The following SUPT20H variants were observed in gnomAD, a reference collection of about 807,000 sequenced individuals.
The protein encoded by SUPT20H is SPT20 homolog, SAGA complex component.
A neutral mutation model predicts 122.8 loss-of-function variants in SUPT20H; 82 were observed. That is an observed-to-expected ratio of 0.67 (90% CI 0.56 to 0.80). SUPT20H has a LOEUF of 0.80. Ranked by LOEUF, SUPT20H falls within the 30% of genes least tolerant of loss-of-function variation. The probability of loss-of-function intolerance (pLI) is 0.00; values close to 1 mark genes in which losing one functional copy is unlikely to be tolerated. For missense variants in SUPT20H, 831 were observed against 921.6 expected (o/e 0.90, Z 1.27); for synonymous variants, 291 against 313.0 (o/e 0.93, Z 0.74).
intron 1 of SUPT20H, among the ~76,000 whole-genome samples, chr13:37,054,971 T>G (rs1355530535): frequency 1.3e-5 from 2 of 152,114 alleles, no homozygotes; most frequent in Non-Finnish European, 2.9e-5. Context: ...TATACACCAA[T>G]AACAGACAAA....
At chr13:37,037,342 A>G (rs1003544016) in intron 9 of SUPT20H, among the ~76,000 whole-genome samples, 1 of 152,202 alleles carries the variant, frequency 6.6e-6, no homozygotes, top group Admixed American at 6.5e-5. Flanking sequence ...GGTCAACTAT[A>G]TAGTGTAAAT....
chr13:37,050,659 T>A (rs1045572910), intron 2 of SUPT20H, among the ~76,000 whole-genome samples: 1 of 152,326 alleles, frequency 6.6e-6, no homozygotes, highest in East Asian at 1.9e-4. Context: ...TAGTGAGACA[T>A]GCATACATAC....
intron 2 of SUPT20H, among the ~76,000 whole-genome samples, chr13:37,049,511 G>A (rs113323017): frequency 0.048 from 7,242 of 152,146 alleles, 267 homozygotes; most frequent in African/African-American, 0.11. Flanking sequence ...AGGCTGAGGC[G>A]GGAGGATCAC....
At chr13:37,047,767 C>A in intron 4 of SUPT20H, 111 bp downstream of exon 4, 1 of 1,252,134 alleles carries the variant, frequency 8.0e-7, no homozygotes, top group Non-Finnish European at 1.1e-6. Context: ...ATTCCTAATA[C>A]ATGCAAAGAA....
At position 37,028,369 on chromosome 13, in the gene SUPT20H, A is replaced by G. The variant is rs1049626564; in HGVS notation, c.994-64T>C. The G allele has an allele frequency of 2.1e-6, 3 of 1,442,102 alleles. No individual in the cohort carries two copies. The Admixed American group carries it at 6.2e-5, about 30-fold the overall frequency. The allele number at this position is 1,442,102 out of a possible 1,614,324, so 89.3% of individuals were successfully genotyped here. Reference sequence around the variant, plus strand: ...AGTAGGCAGGCAATAAGAATTAGTAAAAATCAGGAATAAATGATACAGTAA... The same window carrying G: ...AGTAGGCAGGCAATAAGAATTAGTAGAAATCAGGAATAAATGATACAGTAA... On this transcript the variant is annotated intron_variant, in intron 13 of 25. Coordinates refer to ENST00000350612, the MANE Select transcript of SUPT20H (RefSeq NM_001014286.3).
At position 37,022,204 on chromosome 13, in the gene SUPT20H, C is replaced by A; in HGVS notation, c.1592-124G>T. ...GTGGGCTGAGGGGTGAAGCCTGAAT[C>A]TTGGGGAGTAGGGGTGGCTGAAGGG... On this transcript the variant is annotated intron_variant, in intron 19 of 25. Coordinates refer to ENST00000350612, the MANE Select transcript of SUPT20H (RefSeq NM_001014286.3). This position sits in a 1 kb window ranked among gnomAD's most constrained non-coding sequence, Gnocchi z 4.5. The A allele has an allele frequency of 6.3e-7, 1 of 1,599,198 alleles. No homozygotes were observed. The highest frequency in any genetic ancestry group is 8.5e-7 in the Non-Finnish European group (1 of 1,172,092).
intron 9 of SUPT20H, among the ~76,000 whole-genome samples, chr13:37,034,074 C>A (rs1381365976): frequency 2.0e-5 from 3 of 152,150 alleles, no homozygotes; most frequent in Admixed American, 1.3e-4. Flanking sequence ...TGGGATCTCC[C>A]CTATCTTTCT....
rs149769303 is a variant in SUPT20H, at chr13:37,015,186, C to T, written c.1992+2059G>A. On this transcript the variant is annotated intron_variant, in intron 23 of 25. Coordinates refer to ENST00000350612, the MANE Select transcript of SUPT20H (RefSeq NM_001014286.3). Reference sequence around the variant, plus strand: ...TACATTAAAATAAAAAAAAAAAAAACTTCTGTGCAATGGATGCAATCAAGA... The same window carrying T: ...TACATTAAAATAAAAAAAAAAAAAATTTCTGTGCAATGGATGCAATCAAGA... Among the ~76,000 whole-genome samples, 48 of 147,906 alleles carry T rather than the reference C, an allele frequency of 3.2e-4. No individual in the cohort carries two copies. The East Asian group carries it at 9.5e-3, about 29-fold the overall frequency.
chr13:37,012,840 T>C (rs548090537), intron 23 of SUPT20H: 1 of 151,674 alleles, frequency 6.6e-6, no homozygotes, highest in South Asian at 2.1e-4. Context: ...GTAATGAACA[T>C]GTGAAAACTG....
At chr13:37,039,357 T>G (rs2065057706) in intron 9 of SUPT20H, 1 of 152,122 alleles carries the variant, frequency 6.6e-6, no homozygotes, top group Non-Finnish European at 1.5e-5. Context: ...AAAGCACAAT[T>G]AAGGCAATGG....
chr13:37,042,777 T>G (rs1194218142), intron 7 of SUPT20H, among the ~76,000 whole-genome samples: 1 of 152,128 alleles, frequency 6.6e-6, no homozygotes, highest in Admixed American at 6.5e-5. Flanking sequence ...TATAAATTCT[T>G]TGAGTAGCGT....
intron 3 of SUPT20H, among the ~76,000 whole-genome samples, chr13:37,048,326 A>G (rs979569740): frequency 4.6e-5 from 7 of 152,182 alleles, no homozygotes; most frequent in African/African-American, 1.7e-4. Flanking sequence ...AATTTTAGAA[A>G]TTCTATATCC....
At position 37,042,906 on chromosome 13, in the gene SUPT20H, G is replaced by A. The variant is rs540164985; in HGVS notation, c.396+1172C>T. 2.6e-5 allele frequency among the ~76,000 whole-genome samples: 4 copies of A among 152,278 alleles called. No individual in the cohort carries two copies. The South Asian group carries it at 8.3e-4, about 32-fold the overall frequency. On this transcript the variant is annotated intron_variant, in intron 7 of 25. Coordinates refer to ENST00000350612, the MANE Select transcript of SUPT20H (RefSeq NM_001014286.3). ...TTATCTGAAGTGCTTCAGACCAGAA[G>A]CATTTCAGAGTTGGAAATATTTGCA...
chr13:37,012,085 G>T, intron 24 of SUPT20H, 107 bp downstream of exon 24: 1 of 837,490 alleles, frequency 1.2e-6, no homozygotes, highest in South Asian at 1.7e-5. Context: ...ACTTTTTCCT[G>T]TTTACTGGTT....
chr13:37,058,004 G>C (rs1391480635), intron 1 of SUPT20H, among the ~76,000 whole-genome samples: 4 of 151,366 alleles, frequency 2.6e-5, no homozygotes, highest in Non-Finnish European at 5.9e-5. Flanking sequence ...GTTGGCTGGG[G>C]CGGTGGCTCA....
intron 10 of SUPT20H, among the ~76,000 whole-genome samples, chr13:37,032,132 GAT>G (rs1303978440): frequency 6.6e-6 from 1 of 152,036 alleles, no homozygotes; most frequent in Non-Finnish European, 1.5e-5. Context: ...CAAGTAAACA[GAT>G]AAAATAATTT....
intron 23 of SUPT20H, 113 bp from the exon 24 acceptor site, chr13:37,012,410 G>T: frequency 1.5e-6 from 1 of 673,806 alleles, no homozygotes; most frequent in Non-Finnish European, 2.5e-6. Flanking sequence ...GACTAGTCTT[G>T]TAAAAAGAAT....
intron 17 of SUPT20H, 36 bp downstream of exon 17, chr13:37,025,284 A>T: frequency 1.3e-6 from 2 of 1,487,000 alleles, no homozygotes; most frequent in Non-Finnish European, 1.9e-6. Flanking sequence ...CTTGTGAAAC[A>T]ACTGGGCACA....
At chr13:37,049,850 T>C (rs2067288184) in intron 2 of SUPT20H, among the ~76,000 whole-genome samples, 1 of 152,244 alleles carries the variant, frequency 6.6e-6, no homozygotes, top group Admixed American at 6.5e-5. Context: ...ATAGTCATTT[T>C]TAAATTTTAT....
Sources: allele counts gnomAD v4.1 joint callset (sites outside exome capture counted in the v4.1 genomes callset), GRCh38; gene constraint gnomAD v4.1.1; non-coding constraint Gnocchi (gnomAD v3.1); transcripts MANE v1.5; gene names NCBI Gene and HGNC (gene_info 2026-07-23, HGNC 2026-07-21).